ETV6: variants seen among roughly 807,000 people sequenced by gnomAD.
ETV6 encodes transcription factor ETV6.
In ETV6, 16 loss-of-function variants were observed where a neutral mutation model predicts 51.1. That is an observed-to-expected ratio of 0.31 (90% confidence interval 0.21 to 0.48). The LOEUF is 0.48. Ranked by LOEUF, ETV6 falls within the 20% of genes least tolerant of loss-of-function variation. ETV6 has a pLI of 0.99. For missense variants in ETV6, 458 were observed against 594.8 expected (o/e 0.77, Z 2.39); for synonymous variants, 240 against 224.1 (o/e 1.07, Z -0.64).
At chr12:11,781,225 A>G (rs1300212667) in intron 2 of ETV6, among the ~76,000 whole-genome samples, 1 of 152,226 alleles carries the variant, frequency 6.6e-6, no homozygotes, top group Non-Finnish European at 1.5e-5. Context: ...CAGAGATGAT[A>G]TATTTCAACT....
intron 3 of ETV6, among the ~76,000 whole-genome samples, chr12:11,845,419 G>T (rs573837889): frequency 1.9e-4 from 29 of 152,150 alleles, no homozygotes; most frequent in African/African-American, 7.0e-4. Context: ...AGCTTATTTT[G>T]TTTATCTCAC....
At chr12:11,876,685 C>T (rs766496242) in intron 5 of ETV6, among the ~76,000 whole-genome samples, 1 of 152,130 alleles carries the variant, frequency 6.6e-6, no homozygotes, top group African/African-American at 2.4e-5. Flanking sequence ...TACAGATTTA[C>T]GTGTTCAAAG....
chr12:11,719,381 T>C (rs898055052), intron 1 of ETV6, among the ~76,000 whole-genome samples: 1 of 152,186 alleles, frequency 6.6e-6, no homozygotes, highest in Admixed American at 6.5e-5. Context: ...AAGATCCTGA[T>C]CTTTTAGGTC....
At chr12:11,651,566 A>T (rs1032676670) in intron 1 of ETV6, among the ~76,000 whole-genome samples, 2 of 152,210 alleles carry the variant, frequency 1.3e-5, no homozygotes, top group Non-Finnish European at 2.9e-5. Context: ...AGGTAGCAGT[A>T]TGTATGTCTG....
At chr12:11,705,105 A>G (rs558307127) in intron 1 of ETV6, among the ~76,000 whole-genome samples, 3 of 152,318 alleles carry the variant, frequency 2.0e-5, no homozygotes, top group African/African-American at 7.2e-5. Context: ...GTGTCTAGAG[A>G]CTTAATGTAC....
intron 1 of ETV6, among the ~76,000 whole-genome samples, chr12:11,684,508 A>C (rs748554221): frequency 9.2e-5 from 14 of 152,248 alleles, no homozygotes; most frequent in Non-Finnish European, 1.6e-4. Flanking sequence ...CATATTCAGA[A>C]GTGATGAGAA....
chr12:11,759,336 G>A (rs117356376), intron 2 of ETV6, among the ~76,000 whole-genome samples: 42 of 152,142 alleles, frequency 2.8e-4, no homozygotes, highest in African/African-American at 8.7e-4. Context: ...AAGATGGCAC[G>A]GCCCCTCATT....
In ETV6 at chr12:11,752,833, T is replaced by C. The variant is rs561917418; in HGVS notation, c.163+254T>C. The C allele has an allele frequency of 3.6e-4, 135 of 375,598 alleles. 1 individual carries two copies. The highest frequency in any genetic ancestry group is 5.0e-4 in the Non-Finnish European group (103 of 207,902). The allele number at this position is 375,598 out of a possible 1,614,324, so 23.3% of individuals were successfully genotyped here. Reference sequence around the variant, plus strand: ...TAAAAAAAAAAGAAACCTGGAAACATGCAGTATATGGCAGAGCCAACTAAA... The same window carrying C: ...TAAAAAAAAAAGAAACCTGGAAACACGCAGTATATGGCAGAGCCAACTAAA... On this transcript the variant is annotated intron_variant, in intron 2 of 7. Coordinates refer to ENST00000396373, the MANE Select transcript of ETV6 (RefSeq NM_001987.5).
intron 1 of ETV6, among the ~76,000 whole-genome samples, chr12:11,663,862 C>G (rs1192863568): frequency 6.6e-6 from 1 of 152,112 alleles, no homozygotes; most frequent in African/African-American, 2.4e-5. Context: ...TGTCTACATT[C>G]CAAACTGGGC....
intron 2 of ETV6, among the ~76,000 whole-genome samples, chr12:11,825,144 G>T (rs1052064671): frequency 5.3e-5 from 8 of 152,104 alleles, no homozygotes; most frequent in African/African-American, 1.4e-4. Flanking sequence ...AAAAAGATAC[G>T]AAGCGTGGGG....
chr12:11,887,823 G>C (rs955832132), intron 7 of ETV6, among the ~76,000 whole-genome samples: 4 of 151,898 alleles, frequency 2.6e-5, no homozygotes, highest in African/African-American at 4.8e-5. Flanking sequence ...CATCACTGCT[G>C]TTTGAAGCAG....
intron 4 of ETV6, among the ~76,000 whole-genome samples, chr12:11,857,122 G>A (rs10772509): frequency 0.26 from 39,289 of 152,206 alleles, 5,375 homozygotes; most frequent in African/African-American, 0.34. Context: ...TCACCTCGTC[G>A]TGGCCACAAA....
intron 2 of ETV6, among the ~76,000 whole-genome samples, chr12:11,831,184 A>G (rs1228059385): frequency 3.3e-5 from 5 of 152,016 alleles, no homozygotes; most frequent in Non-Finnish European, 7.4e-5. Context: ...CAATTTTTAA[A>G]TAGTTTGTGT....
chr12:11,763,785 C>T (rs934605990), intron 2 of ETV6, among the ~76,000 whole-genome samples: 4 of 152,212 alleles, frequency 2.6e-5, no homozygotes, highest in Admixed American at 6.5e-5. Flanking sequence ...ACTGTGCAGA[C>T]GCTGTGTAGC....
chr12:11,849,580 A>G (rs774333018), intron 3 of ETV6, among the ~76,000 whole-genome samples: 2 of 152,234 alleles, frequency 1.3e-5, no homozygotes, highest in Admixed American at 6.5e-5. Context: ...GACAAGACAC[A>G]TATTCTGTGT....
At chr12:11,688,163 G>T (rs772483736) in intron 1 of ETV6, among the ~76,000 whole-genome samples, 3 of 152,182 alleles carry the variant, frequency 2.0e-5, no homozygotes, top group Non-Finnish European at 2.9e-5. Flanking sequence ...GGGTGGTCTA[G>T]GAGAACTGGA....
chr12:11,769,107 T>C (rs1945204551), intron 2 of ETV6: 2 of 370,598 alleles, frequency 5.4e-6, no homozygotes, highest in Non-Finnish European at 1.1e-5. Flanking sequence ...CCCAGTAGAG[T>C]AGTAATTACA....
intron 2 of ETV6, among the ~76,000 whole-genome samples, chr12:11,771,986 C>A (rs1390587438): frequency 6.6e-6 from 1 of 152,160 alleles, no homozygotes; most frequent in Non-Finnish European, 1.5e-5. Context: ...GATGGTCAAT[C>A]ATCCAATTAT....
intron 1 of ETV6, among the ~76,000 whole-genome samples, chr12:11,752,190 G>A (rs749164778): frequency 2.0e-5 from 3 of 152,086 alleles, no homozygotes; most frequent in Non-Finnish European, 4.4e-5. Context: ...ACCACAGGGT[G>A]TACACCTATT....
Sources: allele counts gnomAD v4.1 joint callset (sites outside exome capture counted in the v4.1 genomes callset), GRCh38; gene constraint gnomAD v4.1.1; transcripts MANE v1.5; gene names NCBI Gene and HGNC (gene_info 2026-07-23, HGNC 2026-07-21).